Variants in TAFA2 observed in about 807,000 individuals in gnomAD.
TAFA2 encodes the protein TAFA chemokine like family member 2, also known as chemokine-like protein TAFA-2.
In TAFA2, 7 loss-of-function variants were observed where a neutral mutation model predicts 18.8. That is an observed-to-expected ratio of 0.37 (90% confidence interval 0.21 to 0.70). The LOEUF (loss-of-function observed/expected upper bound fraction) is 0.70, where lower values mean the gene tolerates loss of function less well. Ranked by LOEUF, TAFA2 falls within the 30% of genes least tolerant of loss-of-function variation. TAFA2 has a pLI of 0.53. For synonymous variants in TAFA2, 60 were observed against 54.2 expected (o/e 1.11, Z -0.47); for missense variants, 122 against 158.1 (o/e 0.77, Z 1.23).
In TAFA2 at chr12:61,865,411, G is replaced by T. The variant is rs563048809; in HGVS notation, c.106+1909C>A. The stretch of plus-strand genomic sequence containing the variant: ...TTTTGTACAGAAAATAAAAAGAAAA[G>T]AAAGAAAAAAGAACAAAAGGAAGAA... On this transcript the variant is annotated intron_variant, in intron 2 of 4. Transcript: ENST00000416284. Among the ~76,000 whole-genome samples the T allele has an allele frequency of 3.3e-5, 5 of 152,082 alleles. No individual in the cohort carries two copies. In the East Asian group the frequency reaches 7.7e-4, roughly 24 times the overall value.
At chr12:61,858,185 C>T (rs912014893) in intron 2 of TAFA2, among the ~76,000 whole-genome samples, 1 of 152,174 alleles carries the variant, frequency 6.6e-6, no homozygotes, top group Non-Finnish European at 1.5e-5. Context: ...GCTCCTTGCT[C>T]TTCCACCTGT....
chr12:62,234,772 G>A (rs2062828256), intron 1 of TAFA2: 1 of 1,079,042 alleles, frequency 9.3e-7, no homozygotes, highest in East Asian at 2.4e-5. Context: ...GCTGTCTGTG[G>A]AGCAGGTCTG....
At chr12:61,914,742 G>A (rs1294456793) in intron 1 of TAFA2, among the ~76,000 whole-genome samples, 1 of 152,058 alleles carries the variant, frequency 6.6e-6, no homozygotes, top group Admixed American at 6.5e-5. Flanking sequence ...TTTGTGCCAG[G>A]CAAGACATCT....
intron 1 of TAFA2, among the ~76,000 whole-genome samples, chr12:62,254,635 G>C (rs549555946): frequency 6.6e-6 from 1 of 152,198 alleles, no homozygotes; most frequent in South Asian, 2.1e-4. Flanking sequence ...AAAATCAATG[G>C]TAAATATTTT....
intron 1 of TAFA2, among the ~76,000 whole-genome samples, chr12:61,958,409 A>G (rs977741644): frequency 1.3e-5 from 2 of 152,068 alleles, no homozygotes; most frequent in Non-Finnish European, 2.9e-5. Flanking sequence ...AAATTTTTCT[A>G]GAGACTTTTT....
At chr12:61,890,763 C>G (rs1345075691) in intron 1 of TAFA2, among the ~76,000 whole-genome samples, 1 of 152,136 alleles carries the variant, frequency 6.6e-6, no homozygotes, top group Non-Finnish European at 1.5e-5. Flanking sequence ...ATATGCCAGA[C>G]TTCTCCCCGG....
intron 1 of TAFA2, among the ~76,000 whole-genome samples, chr12:62,181,990 TC>T (rs71893210): frequency 0.025 from 3,473 of 138,552 alleles, 193 homozygotes; most frequent in African/African-American, 0.088. Context: ...CTCAAGTCCA[TC>T]CCCCCCCCGC....
intron 1 of TAFA2, among the ~76,000 whole-genome samples, chr12:61,984,116 C>T (rs1218594139): frequency 1.3e-5 from 2 of 152,212 alleles, no homozygotes; most frequent in African/African-American, 4.8e-5. Context: ...CATAACACCA[C>T]GTATATCTTC....
intron 1 of TAFA2, among the ~76,000 whole-genome samples, chr12:62,255,734 A>G (rs1343522193): frequency 6.6e-6 from 1 of 151,794 alleles, no homozygotes; most frequent in Non-Finnish European, 1.5e-5. Flanking sequence ...CATGCATGTA[A>G]TCCCAGCTAC....
chr12:62,014,955 T>G (rs1880883792), intron 1 of TAFA2, among the ~76,000 whole-genome samples: 1 of 152,220 alleles, frequency 6.6e-6, no homozygotes, highest in African/African-American at 2.4e-5. Context: ...TAGCAAATTC[T>G]AATATTCTCT....
intron 1 of TAFA2, among the ~76,000 whole-genome samples, chr12:62,138,048 C>G (rs755206469): frequency 2.6e-5 from 4 of 152,078 alleles, no homozygotes; most frequent in Non-Finnish European, 5.9e-5. Flanking sequence ...ATATCTCTAT[C>G]ACAAACTCCT....
intron 1 of TAFA2, among the ~76,000 whole-genome samples, chr12:61,899,340 C>A (rs1326498651): frequency 6.6e-5 from 10 of 152,032 alleles, no homozygotes; most frequent in Admixed American, 6.6e-4. Flanking sequence ...TTGTACTAGT[C>A]CATTTTCACC....
intron 1 of TAFA2, among the ~76,000 whole-genome samples, chr12:62,014,678 T>C (rs1438909791): frequency 6.6e-6 from 1 of 152,158 alleles, no homozygotes; most frequent in East Asian, 1.9e-4. Context: ...TGTCAGTAAT[T>C]TTCTTCTTGG....
At chr12:62,182,492 A>G (rs908406929) in intron 1 of TAFA2, among the ~76,000 whole-genome samples, 10 of 152,216 alleles carry the variant, frequency 6.6e-5, no homozygotes, top group African/African-American at 2.4e-4. Context: ...AACTCAAACC[A>G]TAGTCCACGG....
At chr12:61,737,731 A>G (rs992991765) in intron 4 of TAFA2, among the ~76,000 whole-genome samples, 13 of 151,974 alleles carry the variant, frequency 8.6e-5, no homozygotes, top group African/African-American at 3.1e-4. Context: ...ATATTTTGAA[A>G]TAAGTATTTT....
intron 2 of TAFA2, among the ~76,000 whole-genome samples, chr12:61,763,114 C>A (rs6581429): frequency 0.52 from 78,540 of 151,838 alleles, 20,775 homozygotes; most frequent in African/African-American, 0.63. Flanking sequence ...ATCTAATTAA[C>A]AGAAATAGTA....
intron 1 of TAFA2, among the ~76,000 whole-genome samples, chr12:62,254,478 G>A (rs2062928892): frequency 6.6e-6 from 1 of 152,006 alleles, no homozygotes; most frequent in Non-Finnish European, 1.5e-5. Flanking sequence ...TATTTGTAGA[G>A]GTATACTATA....
intron 1 of TAFA2, among the ~76,000 whole-genome samples, chr12:61,868,436 G>A (rs1007087228): frequency 2.0e-5 from 3 of 152,118 alleles, no homozygotes; most frequent in African/African-American, 2.4e-5. Flanking sequence ...GTGACTTTCC[G>A]ATTCAGATCC....
At chr12:62,133,583 G>A (rs576422546) in intron 1 of TAFA2, among the ~76,000 whole-genome samples, 21 of 152,086 alleles carry the variant, frequency 1.4e-4, no homozygotes, top group Admixed American at 7.2e-4. Context: ...CGTTAAATAC[G>A]TAAGCCATAT....
Sources: allele counts gnomAD v4.1 joint callset (sites outside exome capture counted in the v4.1 genomes callset), GRCh38; gene constraint gnomAD v4.1.1; transcripts MANE v1.5; gene names NCBI Gene and HGNC (gene_info 2026-07-23, HGNC 2026-07-21).